The following FAM161A variants were observed in gnomAD, a reference collection of about 807,000 sequenced individuals.
FAM161A encodes the protein protein FAM161A.
FAM161A carries 57 observed loss-of-function variants against 70.9 expected under a neutral mutation model. The ratio of observed to expected loss-of-function variants is 0.80; its 90% CI spans 0.65 to 1.00. The LOEUF is 1.00. FAM161A is among the 50% of genes least tolerant of loss of function. The pLI is 0.00. For synonymous variants in FAM161A, 299 were observed against 295.7 expected (o/e 1.01, Z -0.12); for missense variants, 880 against 836.0 (o/e 1.05, Z -0.65).
At chr2:61,845,495 G>C (rs1423532142) in intron 1 of FAM161A, among the ~76,000 whole-genome samples, 1 of 152,150 alleles carries the variant, frequency 6.6e-6, no homozygotes, top group Non-Finnish European at 1.5e-5. Flanking sequence ...GATAGGGGAA[G>C]ACTTCCTGGA....
At chr2:61,853,206 G>A (rs1337459163) in intron 1 of FAM161A, among the ~76,000 whole-genome samples, 1 of 152,014 alleles carries the variant, frequency 6.6e-6, no homozygotes, top group Non-Finnish European at 1.5e-5. Context: ...CACCGCGCCC[G>A]GCCAAGATTC....
In FAM161A at chr2:61,838,609, T is replaced by G. The variant is rs781034647; in HGVS notation, c.1680A>C (p.Thr560=). The G allele has an allele frequency of 3.2e-5, 52 of 1,612,248 alleles. No homozygotes were observed. Among genetic ancestry groups the G allele is most frequent in the Non-Finnish European group, 4.3e-5 (51 of 1,179,558 alleles). Residue 560 remains threonine, a synonymous_variant, in exon 4 of 7, where the codon ACA becomes ACC. Coordinates refer to ENST00000404929, the MANE Select transcript of FAM161A (RefSeq NM_001201543.2). ...QRMKELQKLL[T]TRAKAYDSHQ... is the part of the protein sequence containing the mutation. ...GTGAGTCATAAGCCTTAGCCCGGGT[T>G]GTCAGGAGTTTCTGCAATTCTTTCA...
the FAM161A span, chr2:61,803,447 T>C: frequency 1.5e-6 from 1 of 646,532 alleles, no homozygotes; most frequent in Non-Finnish European, 2.8e-6. Flanking sequence ...AAGGCCAGTG[T>C]TGGTGCTGGC....
chr2:61,839,681 G>A lies in FAM161A; in HGVS notation c.1323C>T (p.His441=), dbSNP rs758967334. 2.5e-6 allele frequency: 4 copies of A among 1,614,190 alleles called. No homozygotes were observed. The highest frequency in any genetic ancestry group is 1.7e-6 in the Non-Finnish European group (2 of 1,180,038). The change falls in exon 3 of 7, where the codon CAC becomes CAT. Residue 441 remains histidine (H), a synonymous_variant. Coordinates refer to ENST00000404929, the MANE Select transcript of FAM161A (RefSeq NM_001201543.2). ...FEDLPERYQK[H]LSEHKSPKLL... is the part of the protein sequence containing the mutation. ...GTTTTGGAGACTTGTGTTCTGAGAG[G>A]TGTTTCTGGTATCTCTCAGGAAGGT...
At chr2:61,811,981 A>G in the FAM161A span, among the ~76,000 whole-genome samples, 1 of 151,948 alleles carries the variant, frequency 6.6e-6, no homozygotes, top group Admixed American at 6.6e-5. Context: ...CTCTGGCCTC[A>G]CTGGTTTCCC....
intron 5 of FAM161A, among the ~76,000 whole-genome samples, chr2:61,833,075 G>T (rs948713419): frequency 3.3e-5 from 5 of 152,090 alleles, no homozygotes; most frequent in Non-Finnish European, 7.4e-5. Context: ...GAGGGAAGGT[G>T]GGGGGAGGAC....
chr2:61,810,382 C>T, the FAM161A span, among the ~76,000 whole-genome samples: 1 of 151,650 alleles, frequency 6.6e-6, no homozygotes, highest in East Asian at 1.9e-4. Context: ...CCAGGTTACT[C>T]ACCCAATAAT....
At chr2:61,817,755 T>C in the FAM161A span, among the ~76,000 whole-genome samples, 1 of 151,978 alleles carries the variant, frequency 6.6e-6, no homozygotes, top group Admixed American at 6.6e-5. Flanking sequence ...TGGTTTGAGT[T>C]CAGGAGACCA....
At chr2:61,830,052 C>T (rs1200589151) in intron 5 of FAM161A, among the ~76,000 whole-genome samples, 1 of 151,546 alleles carries the variant, frequency 6.6e-6, no homozygotes, top group African/African-American at 2.4e-5. Flanking sequence ...ATGAGAAGAC[C>T]CCTTGATATC....
intron 1 of FAM161A, among the ~76,000 whole-genome samples, chr2:61,851,441 A>G (rs973112651): frequency 6.6e-6 from 1 of 151,684 alleles, no homozygotes; most frequent in Admixed American, 6.6e-5. Context: ...GGTTCAGGCA[A>G]TTCTGCCTCA....
intron 3 of FAM161A, among the ~76,000 whole-genome samples, 175 bp from the exon 4 acceptor site, chr2:61,838,880 A>ATTTT (rs1553354078): frequency 2.8e-5 from 4 of 143,176 alleles, no homozygotes; most frequent in Admixed American, 6.9e-5. Flanking sequence ...TTATTTATTT[A>ATTTT]TTTATTTATT....
intron 3 of FAM161A, 24 bp downstream of exon 3, chr2:61,839,397 C>A: frequency 6.2e-7 from 1 of 1,612,844 alleles, no homozygotes; most frequent in South Asian, 1.1e-5. Context: ...ATGAGTCAGT[C>A]AGTACTGCGT....
the FAM161A span, among the ~76,000 whole-genome samples, chr2:61,804,768 G>GAAAAAGAA: frequency 1.3e-4 from 15 of 119,038 alleles, no homozygotes; most frequent in South Asian, 4.4e-3. Context: ...GAAAAAGAAA[G>GAAAAAGAA]AGAAAGAAAG....
At chr2:61,819,974 G>A (rs1334614028), downstream of FAM161A, among the ~76,000 whole-genome samples, 1 of 151,668 alleles carries the variant, frequency 6.6e-6, no homozygotes, top group African/African-American at 2.4e-5. Flanking sequence ...TTTTTGTCTT[G>A]GAAAAAGCAT....
intron 3 of FAM161A, among the ~76,000 whole-genome samples, 165 bp downstream of exon 3, chr2:61,839,256 C>A (rs1672901588): frequency 6.7e-6 from 1 of 148,476 alleles, no homozygotes; most frequent in Non-Finnish European, 1.5e-5. Flanking sequence ...ATATTCATTT[C>A]TTAGAATACC....
At chr2:61,839,390 A>C in intron 3 of FAM161A, 31 bp downstream of exon 3, 1 of 1,606,980 alleles carries the variant, frequency 6.2e-7, no homozygotes, top group Non-Finnish European at 8.5e-7. Context: ...GGCAACCATG[A>C]GTCAGTCAGT....
At position 61,824,948 on chromosome 2, in the gene FAM161A, C is replaced by G. The variant is rs886056213; in HGVS notation, c.*1507G>C. 11 of 452,704 alleles carry G rather than the reference C, an allele frequency of 2.4e-5. No individual in the cohort carries two copies. The highest frequency in any genetic ancestry group is 4.0e-5 in the Non-Finnish European group (9 of 226,542). 28.0% of individuals were successfully genotyped at this position (452,704 alleles called of 1,614,324 possible). ...ACAAAGATGAATTTTTAAATGGTGC[C>G]AAATCCCAAGGAGTTTACAATATAA... On this transcript the variant is annotated 3_prime_UTR_variant, in exon 7 of 7. Transcript: ENST00000404929.
chr2:61,815,636 C>T, the FAM161A span, among the ~76,000 whole-genome samples: 5 of 144,670 alleles, frequency 3.5e-5, no homozygotes, highest in African/African-American at 7.7e-5. Context: ...CTGCAACCTT[C>T]GCCTCCCAGG....
chr2:61,848,570 A>G (rs1673314508), intron 1 of FAM161A, among the ~76,000 whole-genome samples: 1 of 151,596 alleles, frequency 6.6e-6, no homozygotes, highest in Non-Finnish European at 1.5e-5. Context: ...GATTGGCTTG[A>G]CCCATTTAGA....
Sources: gnomAD v4.1 joint callset for allele counts (sites outside exome capture counted in the v4.1 genomes callset) on GRCh38, gnomAD v4.1.1 for gene constraint, MANE v1.5 for transcripts, NCBI Gene and HGNC (gene_info 2026-07-23, HGNC 2026-07-21) for gene names.